MPZL3: variants seen among roughly 807,000 people sequenced by gnomAD.
MPZL3 encodes the protein myelin protein zero-like protein 3.
MPZL3 carries 23 observed loss-of-function variants against 24.8 expected under a neutral mutation model. The ratio of observed to expected loss-of-function variants is 0.93; its 90% CI spans 0.67 to 1.31. MPZL3 has a LOEUF of 1.31. MPZL3 is among the 40% of genes most tolerant of loss of function. The probability of loss-of-function intolerance (pLI) is 0.00; values close to 1 mark genes in which losing one functional copy is unlikely to be tolerated. For missense variants in MPZL3, 277 were observed against 294.9 expected (o/e 0.94, Z 0.44); for synonymous variants, 99 against 106.5 (o/e 0.93, Z 0.44).
intron 1 of MPZL3, among the ~76,000 whole-genome samples, chr11:118,248,581 A>C (rs1949582632): frequency 6.6e-6 from 1 of 152,118 alleles, no homozygotes; most frequent in Admixed American, 6.5e-5. Context: ...GTGGGGTCTT[A>C]ATTGTATAGT....
intron 1 of MPZL3, among the ~76,000 whole-genome samples, chr11:118,242,379 G>T (rs761840980): frequency 5.3e-5 from 8 of 152,114 alleles, no homozygotes; most frequent in Non-Finnish European, 1.2e-4. Flanking sequence ...ACAGCATCTG[G>T]AATAATAACT....
intron 1 of MPZL3, among the ~76,000 whole-genome samples, chr11:118,244,590 G>A (rs1949535996): frequency 1.3e-5 from 2 of 152,176 alleles, no homozygotes; most frequent in African/African-American, 4.8e-5. Context: ...AGCTGAAAAG[G>A]AGTATGACTG....
Position 118,229,847 on chromosome 11 carries a change from A to T in MPZL3, c.*47T>A, listed in dbSNP as rs1949327287. 1 of 1,601,718 alleles carries T rather than the reference A, an allele frequency of 6.2e-7. No homozygotes were observed. Among genetic ancestry groups the T allele is most frequent in the Non-Finnish European group, 8.5e-7 (1 of 1,169,758 alleles). On this transcript the variant is annotated 3_prime_UTR_variant, in exon 6 of 6. Transcript: ENST00000278949. ...AGGCTTTAGCTGCCAGTGGAATGGG[A>T]TGTTTCCTGTCTTTAGGTGACTCTT...
rs376037406 is a variant in MPZL3, at chr11:118,242,316, G to A, written c.74-1939C>T. Among the ~76,000 whole-genome samples, 400 of 152,152 alleles carry A rather than the reference G, an allele frequency of 2.6e-3. 2 individuals carry two copies. Among genetic ancestry groups the A allele is most frequent in the African/African-American group, 9.0e-3 (373 of 41,484 alleles). On this transcript the variant is annotated intron_variant, in intron 1 of 5. Coordinates refer to ENST00000278949, the MANE Select transcript of MPZL3 (RefSeq NM_198275.3). Reference sequence around the variant, plus strand: ...CTGAAGAGCCACTACAATCAAAAAAGAAAATTTTTCATTTTGATCATGTTG... The same window carrying A: ...CTGAAGAGCCACTACAATCAAAAAAAAAAATTTTTCATTTTGATCATGTTG...
chr11:118,235,893 C>T (rs1721804534), intron 3 of MPZL3, among the ~76,000 whole-genome samples: 1 of 152,044 alleles, frequency 6.6e-6, no homozygotes, highest in Non-Finnish European at 1.5e-5. Context: ...ATTATTTTAA[C>T]CTCCTTTTTT....
At chr11:118,230,430 T>C (rs1035532764) in intron 5 of MPZL3, among the ~76,000 whole-genome samples, 1 of 152,194 alleles carries the variant, frequency 6.6e-6, no homozygotes, top group Admixed American at 6.5e-5. Context: ...AGAACTGTTA[T>C]GAGAATTGAA....
intron 5 of MPZL3, among the ~76,000 whole-genome samples, chr11:118,232,718 T>C (rs1949370412): frequency 6.6e-6 from 1 of 152,158 alleles, no homozygotes; most frequent in Non-Finnish European, 1.5e-5. Flanking sequence ...ATCTTCCCTA[T>C]GATACTCAAG....
intron 4 of MPZL3, 29 bp downstream of exon 4, chr11:118,235,395 T>C (rs1380056040): frequency 6.2e-7 from 1 of 1,611,006 alleles, no homozygotes; most frequent in East Asian, 2.2e-5. Flanking sequence ...GGAAACAGGC[T>C]TGCTGCCCAG....
At chr11:118,247,023 A>C (rs1006619140) in intron 1 of MPZL3, among the ~76,000 whole-genome samples, 2 of 152,094 alleles carry the variant, frequency 1.3e-5, no homozygotes, top group Non-Finnish European at 2.9e-5. Flanking sequence ...GCTGTGGGCA[A>C]CCTGACAGGG....
Position 118,233,513 on chromosome 11 carries a change from C to A in MPZL3, c.628G>T (p.Glu210Ter), listed in dbSNP as rs574243944. Residue 210 changes from glutamate to a stop codon, truncating the protein, a stop_gained, in exon 5 of 6, where the codon GAG becomes TAG. Coordinates refer to ENST00000278949, the MANE Select transcript of MPZL3 (RefSeq NM_198275.3). LOFTEE classifies it high-confidence loss of function. The stretch of plus-strand genomic sequence containing the variant: ...CTCGCCATACACGCCTCTTCCTCCT[C>A]CTGATCAGTGCTGTAAAAAGAGGAC... ...SIEVSDDTDQ[E>*]EEEACMARLC... is the part of the protein sequence containing the mutation. 8 of 1,613,848 alleles carry A rather than the reference C, an allele frequency of 5.0e-6. No homozygotes were observed. The East Asian group carries it at 1.3e-4, about 27-fold the overall frequency.
At position 118,237,039 on chromosome 11, in the gene MPZL3, A is replaced by G; in HGVS notation, c.451+11T>C. On this transcript the variant is annotated intron_variant, in intron 3 of 5. Coordinates refer to ENST00000278949, the MANE Select transcript of MPZL3 (RefSeq NM_198275.3). ...AGCACTGCAGAAGAAGGTTGGTGGC[A>G]ATGAGCTTACCCCTTTCTGTGACTG... 1 of 1,612,478 alleles carries G rather than the reference A, an allele frequency of 6.2e-7. No homozygotes were observed. The highest frequency in any genetic ancestry group is 1.1e-5 in the South Asian group (1 of 91,048).
At position 118,237,214 on chromosome 11, in the gene MPZL3, A is replaced by T; in HGVS notation, c.287T>A (p.Phe96Tyr). The T allele has an allele frequency of 6.2e-7, 1 of 1,614,130 alleles. No individual in the cohort carries two copies. The highest frequency in any genetic ancestry group is 1.1e-5 in the South Asian group (1 of 91,086). ...TCCAACCCAGGAAATCCGATCCCGA[A>T]ATGTGCCTGCTGTGGTTGGGTACTG... Reference protein sequence around the residue: ...SFQYPTTAGTFRDRISWVGNV... With the variant: ...SFQYPTTAGTYRDRISWVGNV... Residue 96 changes from phenylalanine (F) to tyrosine (Y), a missense_variant, in exon 3 of 6, where the codon TTT (phenylalanine) becomes TAT (tyrosine). Transcript: ENST00000278949.
rs1241195207 is a variant in MPZL3 at position 118,235,599 on chromosome 11, G to A, written c.452-10C>T. 1.2e-6 allele frequency: 2 copies of A among 1,612,486 alleles called. No homozygotes were observed. The highest frequency in any genetic ancestry group is 4.5e-5 in the East Asian group (2 of 44,850). On this transcript the variant is annotated splice_polypyrimidine_tract_variant and intron_variant, in intron 3 of 5. Coordinates refer to ENST00000278949, the MANE Select transcript of MPZL3 (RefSeq NM_198275.3). ...AGCATGGTGCCAAAACCTAGAGGCG[G>A]AGAAAGAGAAGGTAAAAGACAGGGA...
At chr11:118,232,897 G>A (rs1393910808) in intron 5 of MPZL3, among the ~76,000 whole-genome samples, 3 of 152,044 alleles carry the variant, frequency 2.0e-5, no homozygotes, top group Non-Finnish European at 4.4e-5. Context: ...CTCCTGCTGG[G>A]ATCCTAGGAC....
At chr11:118,251,837 C>T (rs1949622504) in intron 1 of MPZL3, among the ~76,000 whole-genome samples, 1 of 152,192 alleles carries the variant, frequency 6.6e-6, no homozygotes, top group Non-Finnish European at 1.5e-5. Context: ...GGGCAAACTA[C>T]TGAATGCTAG....
chr11:118,251,377 T>A (rs1949618298), intron 1 of MPZL3, among the ~76,000 whole-genome samples: 1 of 151,918 alleles, frequency 6.6e-6, no homozygotes, highest in South Asian at 2.1e-4. Flanking sequence ...CTTTCAGAAA[T>A]CCCCATTACC....
intron 1 of MPZL3, among the ~76,000 whole-genome samples, chr11:118,247,767 C>G (rs545367162): frequency 1.3e-5 from 2 of 152,190 alleles, no homozygotes; most frequent in African/African-American, 4.8e-5. Context: ...AGCCACCATG[C>G]CCGGTTTATG....
rs1482569600 is a variant in MPZL3 at position 118,227,603 on chromosome 11, C to G, written c.*2291G>C. ...CAACGTACTCCCTTACCACGAAGGA[C>G]TTCATTCAGTCATTTAAAAAGCAAG... On this transcript the variant is annotated 3_prime_UTR_variant, in exon 6 of 6. Transcript: ENST00000278949. 1 of 152,160 alleles carries G rather than the reference C, an allele frequency of 6.6e-6. No homozygotes were observed. The highest frequency in any genetic ancestry group is 1.5e-5 in the Non-Finnish European group (1 of 68,034). The allele number at this position is 152,160 out of a possible 1,614,324, so 9.4% of individuals were successfully genotyped here.
intron 5 of MPZL3, 60 bp downstream of exon 5, chr11:118,233,400 T>C: frequency 6.3e-7 from 1 of 1,586,308 alleles, no homozygotes; most frequent in South Asian, 1.1e-5. Flanking sequence ...GGATGGATCC[T>C]CTTAGGTAAG....
Sources: allele counts gnomAD v4.1 joint callset (sites outside exome capture counted in the v4.1 genomes callset), GRCh38; gene constraint gnomAD v4.1.1; transcripts MANE v1.5; gene names NCBI Gene and HGNC (gene_info 2026-07-23, HGNC 2026-07-21).